The following HHAT variants were observed in gnomAD, a reference collection of about 807,000 sequenced individuals.
HHAT encodes the protein protein-cysteine N-palmitoyltransferase HHAT.
A neutral mutation model predicts 70.8 loss-of-function variants in HHAT; 47 were observed. That is an observed-to-expected ratio of 0.66 (90% CI 0.53 to 0.85). The LOEUF (loss-of-function observed/expected upper bound fraction) is 0.85, where lower values mean the gene tolerates loss of function less well. Among genes scored for constraint, HHAT ranks in the 40% least tolerant of loss-of-function variants. The pLI is 0.00. For missense variants in HHAT, 609 were observed against 604.8 expected, an observed-to-expected ratio of 1.01 and a Z score of -0.07; for synonymous variants, 228 against 247.6, an observed-to-expected ratio of 0.92 and a Z score of 0.74.
At chr1:210,360,889 T>A (rs1571874266) in intron 2 of HHAT, among the ~76,000 whole-genome samples, 1 of 144,432 alleles carries the variant, frequency 6.9e-6, no homozygotes. Flanking sequence ...TTAGAAACTT[T>A]AAAATTTTAA....
intron 6 of HHAT, among the ~76,000 whole-genome samples, chr1:210,410,773 G>A (rs184087657): frequency 9.2e-4 from 140 of 152,008 alleles, no homozygotes; most frequent in Middle Eastern, 6.8e-3. Context: ...TGATCCGCCC[G>A]CCTTGGCCTC....
chr1:210,389,542 A>G (rs1033540592), intron 4 of HHAT, among the ~76,000 whole-genome samples: 2 of 152,172 alleles, frequency 1.3e-5, no homozygotes, highest in South Asian at 4.1e-4. Context: ...TGTTCTCCTG[A>G]TAGAGTTCTT....
At chr1:210,351,025 A>G (rs1405933485) in intron 2 of HHAT, among the ~76,000 whole-genome samples, 1 of 152,224 alleles carries the variant, frequency 6.6e-6, no homozygotes, top group Non-Finnish European at 1.5e-5. Flanking sequence ...ATATAAAAGG[A>G]GATTTATTAC....
chr1:210,445,749 A>T (rs563286889), intron 7 of HHAT, among the ~76,000 whole-genome samples: 1 of 152,202 alleles, frequency 6.6e-6, no homozygotes, highest in South Asian at 2.1e-4. Flanking sequence ...AATGCAATTG[A>T]TTTCTATTTA....
At chr1:210,551,651 A>C (rs2095528865) in intron 9 of HHAT, among the ~76,000 whole-genome samples, 1 of 152,212 alleles carries the variant, frequency 6.6e-6, no homozygotes, top group Non-Finnish European at 1.5e-5. Flanking sequence ...TTCTTTTTTA[A>C]TCTCTAGTCA....
chr1:210,512,728 A>G (rs7529378), intron 8 of HHAT, among the ~76,000 whole-genome samples: 1 of 149,712 alleles, frequency 6.7e-6, no homozygotes, highest in Non-Finnish European at 1.5e-5. Context: ...ACATATATAT[A>G]TTTTAAGTGA....
chr1:210,580,740 G>C (rs1659088052), intron 9 of HHAT, among the ~76,000 whole-genome samples: 1 of 151,938 alleles, frequency 6.6e-6, no homozygotes, highest in Admixed American at 6.6e-5. Context: ...GGGCATTTGG[G>C]TTGGTTCCAA....
intron 3 of HHAT, among the ~76,000 whole-genome samples, chr1:210,374,424 A>G (rs185428102): frequency 1.3e-5 from 2 of 152,348 alleles, no homozygotes; most frequent in Admixed American, 1.3e-4. Flanking sequence ...CAAAAGAAAT[A>G]TTCTTTTAAG....
At chr1:210,421,938 G>C (rs2092916416) in intron 7 of HHAT, among the ~76,000 whole-genome samples, 1 of 151,944 alleles carries the variant, frequency 6.6e-6, no homozygotes, top group Admixed American at 6.6e-5. Flanking sequence ...AGCATAAAAG[G>C]GTTTATTTTA....
chr1:210,334,102 G>A (rs1049182999), intron 1 of HHAT, among the ~76,000 whole-genome samples: 2 of 151,130 alleles, frequency 1.3e-5, no homozygotes, highest in African/African-American at 2.4e-5. Context: ...GTGGAGGGCT[G>A]GGGATCCTGG....
intron 11 of HHAT, among the ~76,000 whole-genome samples, chr1:210,624,599 T>G (rs1422636443): frequency 1.3e-5 from 2 of 152,206 alleles, no homozygotes; most frequent in Non-Finnish European, 2.9e-5. Flanking sequence ...TAATGTGCAT[T>G]AAATAGATAA....
intron 3 of HHAT, 114 bp from the exon 4 acceptor site, chr1:210,387,351 CTCT>C: frequency 2.5e-6 from 2 of 815,686 alleles, no homozygotes; most frequent in Non-Finnish European, 4.1e-6. Flanking sequence ...TGTGTAAATC[CTCT>C]TTTACAGAGT....
intron 3 of HHAT, among the ~76,000 whole-genome samples, chr1:210,376,100 A>T (rs10863823): frequency 0.13 from 19,491 of 149,296 alleles, 1,309 homozygotes; most frequent in Non-Finnish European, 0.15. Flanking sequence ...CCTGGCCTCA[A>T]GTGATCCACC....
At chr1:210,454,373 G>A (rs2093818570) in intron 7 of HHAT, among the ~76,000 whole-genome samples, 1 of 152,170 alleles carries the variant, frequency 6.6e-6, no homozygotes, top group Admixed American at 6.5e-5. Context: ...TGAACATGGT[G>A]AAACCCTGTC....
intron 2 of HHAT, among the ~76,000 whole-genome samples, chr1:210,358,966 T>C (rs1336246682): frequency 6.6e-6 from 1 of 152,210 alleles, no homozygotes; most frequent in Non-Finnish European, 1.5e-5. Flanking sequence ...CTTTGATGTA[T>C]CCTTTTGTGG....
chr1:210,647,511 C>T (rs1168989703), intron 11 of HHAT, among the ~76,000 whole-genome samples: 4 of 152,174 alleles, frequency 2.6e-5, no homozygotes, highest in Admixed American at 6.5e-5. Flanking sequence ...TCATATGGCA[C>T]GTTAGGGGGA....
intron 1 of HHAT, among the ~76,000 whole-genome samples, chr1:210,347,527 A>C (rs1045730107): frequency 2.0e-5 from 3 of 152,188 alleles, no homozygotes; most frequent in Non-Finnish European, 4.4e-5. Flanking sequence ...AAAGGCCATA[A>C]ATGCGTTTAA....
At chr1:210,498,195 G>A (rs1428575858) in intron 8 of HHAT, among the ~76,000 whole-genome samples, 2 of 152,072 alleles carry the variant, frequency 1.3e-5, no homozygotes, top group Non-Finnish European at 2.9e-5. Flanking sequence ...TTATTCTCTT[G>A]CATGGATTTA....
chr1:210,328,650 C>T (rs1299757613), upstream of HHAT, among the ~76,000 whole-genome samples: 1 of 152,254 alleles, frequency 6.6e-6, no homozygotes, highest in Non-Finnish European at 1.5e-5. Context: ...AGGTGACTTC[C>T]ACTCTGCAAT....
Sources: gnomAD v4.1 joint callset for allele counts (sites outside exome capture counted in the v4.1 genomes callset) on GRCh38, gnomAD v4.1.1 for gene constraint, MANE v1.5 for transcripts, NCBI Gene and HGNC (gene_info 2026-07-23, HGNC 2026-07-21) for gene names.